Variants in PCSK5 observed in about 807,000 individuals in gnomAD.
PCSK5 encodes prohormone convertase 5.
PCSK5 carries 129 observed loss-of-function variants against 233.2 expected under a neutral mutation model. The ratio of observed to expected loss-of-function variants is 0.55; its 90% CI spans 0.48 to 0.64. The LOEUF (loss-of-function observed/expected upper bound fraction) is 0.64, where lower values mean the gene tolerates loss of function less well. Ranked by LOEUF, PCSK5 falls within the 30% of genes least tolerant of loss-of-function variation. The probability of loss-of-function intolerance (pLI) is 0.00; values close to 1 mark genes in which losing one functional copy is unlikely to be tolerated. For missense variants in PCSK5, 2,076 were observed against 2,430.1 expected (o/e 0.85, Z 3.06); for synonymous variants, 825 against 879.2 (o/e 0.94, Z 1.09).
Position 76,188,591 on chromosome 9 carries a change from C to G in PCSK5, c.2296C>G (p.Arg766Gly). The G allele has an allele frequency of 4.3e-6, 7 of 1,612,986 alleles. No homozygotes were observed. Among genetic ancestry groups the G allele is most frequent in the Non-Finnish European group, 5.9e-6 (7 of 1,179,094 alleles). Residue 766 changes from arginine to glycine, a missense_variant, in exon 18 of 38, where the codon CGG (arginine) becomes GGG (glycine). By Grantham distance (125) the Arg-to-Gly change is moderately radical. Around this residue, in one of 6 missense-constraint regions of PCSK5, gnomAD observed 1,510 missense variants for 1,538.1 expected, o/e 0.98. Coordinates refer to ENST00000674117, the MANE Select transcript of PCSK5 (RefSeq NM_001372043.1). ...TACTTCTTCCAGCCTGCAGGGATCCCGGTGCTCTGTCTCCTGTGAAGATGG... is the reference window on the plus strand; with the variant it reads ...TACTTCTTCCAGCCTGCAGGGATCCGGGTGCTCTGTCTCCTGTGAAGATGG... ...CRDGLSLQGS[R>G]CSVSCEDGRY...
At chr9:76,212,802 G>C (rs1825380557) in intron 20 of PCSK5, among the ~76,000 whole-genome samples, 1 of 152,182 alleles carries the variant, frequency 6.6e-6, no homozygotes, top group Admixed American at 6.5e-5. Context: ...AACTTTCTGA[G>C]GTAGGGTTAT....
At chr9:75,921,414 T>C (rs1823253520) in intron 1 of PCSK5, among the ~76,000 whole-genome samples, 1 of 152,186 alleles carries the variant, frequency 6.6e-6, no homozygotes, top group Non-Finnish European at 1.5e-5. Context: ...TCTAGCAATG[T>C]TTTCACCTAT....
rs1183332288 is a variant in PCSK5, at chr9:76,233,666, T to G, written c.2866+70T>G. On this transcript the variant is annotated intron_variant, in intron 22 of 37. Transcript: ENST00000674117. ...CCTCTTCTGATGGCCATCATTTGGT[T>G]TGACCCAAAAGCCTTGTGTCTGGGG... 3.4e-6 allele frequency: 5 copies of G among 1,461,242 alleles called. No homozygotes were observed. The Admixed American group carries it at 7.0e-5, about 20-fold the overall frequency. 90.5% of individuals were successfully genotyped at this position (1,461,242 alleles called of 1,614,324 possible). A position where few individuals can be genotyped will look rare whatever the true frequency, so the allele number is the denominator to read the frequency against.
chr9:76,119,213 T>C (rs1282931405), intron 9 of PCSK5, among the ~76,000 whole-genome samples: 1 of 152,102 alleles, frequency 6.6e-6, no homozygotes, highest in Non-Finnish European at 1.5e-5. Flanking sequence ...CTAATACTCT[T>C]TCATGTTCAT....
At chr9:75,975,808 C>T (rs530670809) in intron 2 of PCSK5, among the ~76,000 whole-genome samples, 84 of 152,208 alleles carry the variant, frequency 5.5e-4, no homozygotes, top group African/African-American at 2.0e-3. Flanking sequence ...TTATTAATTA[C>T]CTTGCCTTGG....
intron 24 of PCSK5, among the ~76,000 whole-genome samples, chr9:76,282,948 G>A (rs1003888435): frequency 6.6e-6 from 1 of 152,156 alleles, no homozygotes; most frequent in Non-Finnish European, 1.5e-5. Flanking sequence ...TTCAGTGGAG[G>A]AAGTGACTGC....
At chr9:76,021,573 C>A (rs1418656941) in intron 3 of PCSK5, among the ~76,000 whole-genome samples, 3 of 151,996 alleles carry the variant, frequency 2.0e-5, no homozygotes, top group African/African-American at 7.2e-5. Context: ...GGGAAAGATA[C>A]AAATGTTCAT....
intron 8 of PCSK5, among the ~76,000 whole-genome samples, chr9:76,106,258 C>T (rs942455817): frequency 3.3e-5 from 5 of 152,208 alleles, no homozygotes; most frequent in Admixed American, 2.0e-4. Flanking sequence ...CTCTCACAGA[C>T]TTCTATACTC....
intron 33 of PCSK5, among the ~76,000 whole-genome samples, chr9:76,331,566 C>G (rs894204147): frequency 6.6e-6 from 1 of 151,462 alleles, no homozygotes; most frequent in South Asian, 2.1e-4. Context: ...ACTCGGGAGG[C>G]TTAGGCAGGA....
At chr9:76,302,463 G>A (rs1489976067) in intron 28 of PCSK5, among the ~76,000 whole-genome samples, 1 of 152,134 alleles carries the variant, frequency 6.6e-6, no homozygotes, top group East Asian at 1.9e-4. Flanking sequence ...TATTCGTGAC[G>A]AGCTAAATGG....
At chr9:75,928,168 C>T (rs575827287) in intron 1 of PCSK5, among the ~76,000 whole-genome samples, 1 of 152,244 alleles carries the variant, frequency 6.6e-6, no homozygotes, top group South Asian at 2.1e-4. Flanking sequence ...AGAAATTATT[C>T]TCTCTTTCCT....
intron 34 of PCSK5, among the ~76,000 whole-genome samples, chr9:76,336,831 C>G (rs1383251836): frequency 1.3e-5 from 2 of 152,102 alleles, no homozygotes; most frequent in East Asian, 3.9e-4. Flanking sequence ...TGTTGAGTGA[C>G]TGGCCCAAGG....
intron 8 of PCSK5, among the ~76,000 whole-genome samples, chr9:76,101,902 G>A (rs751118025): frequency 2.0e-5 from 3 of 152,122 alleles, no homozygotes; most frequent in Non-Finnish European, 4.4e-5. Flanking sequence ...ATTTGCACTA[G>A]GTTATTCTCT....
At chr9:76,175,277 G>T (rs368601327) in intron 14 of PCSK5, 148 bp downstream of exon 14, 7,720 of 586,164 alleles carry the variant, frequency 0.013, 122 homozygotes, top group South Asian at 0.039. Context: ...GAATGGAATC[G>T]AATCGAATCG....
At chr9:76,189,041 C>T (rs1824237593) in intron 18 of PCSK5, 53 bp from the exon 19 acceptor site, 1 of 1,568,336 alleles carries the variant, frequency 6.4e-7, no homozygotes, top group Non-Finnish European at 8.7e-7. Context: ...GCCCATGACA[C>T]CACCTCCTCT....
chr9:75,929,788 C>T (rs957395653), intron 1 of PCSK5, among the ~76,000 whole-genome samples: 2 of 151,960 alleles, frequency 1.3e-5, no homozygotes, highest in Non-Finnish European at 2.9e-5. Context: ...AGGCACGTCT[C>T]ACATGACAGC....
chr9:76,053,490 C>T (rs1487018664), intron 5 of PCSK5, among the ~76,000 whole-genome samples: 1 of 152,192 alleles, frequency 6.6e-6, no homozygotes, highest in Non-Finnish European at 1.5e-5. Context: ...TTGATGTATC[C>T]TCTTCTTCCT....
chr9:76,346,357 G>A (rs1027061650), intron 35 of PCSK5, among the ~76,000 whole-genome samples: 1 of 152,128 alleles, frequency 6.6e-6, no homozygotes, highest in Non-Finnish European at 1.5e-5. Context: ...AATTAAGGAT[G>A]ATGATTTTGG....
intron 37 of PCSK5, among the ~76,000 whole-genome samples, chr9:76,355,123 T>G (rs1205420241): frequency 6.6e-6 from 1 of 152,212 alleles, no homozygotes; most frequent in Non-Finnish European, 1.5e-5. Context: ...ATGTGGGTAC[T>G]TGGTTCTCAT....
Sources: gnomAD v4.1 joint callset for allele counts (sites outside exome capture counted in the v4.1 genomes callset) on GRCh38, gnomAD v4.1.1 for gene constraint, gnomAD v4.1.1 regional missense constraint, MANE v1.5 for transcripts, NCBI Gene and HGNC (gene_info 2026-07-23, HGNC 2026-07-21) for gene names.